GPC5: variants seen among roughly 807,000 people sequenced by gnomAD.
GPC5 encodes the protein glypican 5.
GPC5 carries 47 observed loss-of-function variants against 53.9 expected under a neutral mutation model. That is an observed-to-expected ratio of 0.87 (90% confidence interval 0.69 to 1.11). The LOEUF (loss-of-function observed/expected upper bound fraction) is 1.11. Ranked by LOEUF, GPC5 falls within the 50% of genes most tolerant of loss-of-function variation. GPC5 has a pLI of 0.00. For missense variants in GPC5, 748 were observed against 713.1 expected (o/e 1.05, Z -0.56); for synonymous variants, 286 against 263.3 (o/e 1.09, Z -0.84).
At chr13:92,832,350 G>A (rs1406470968) in intron 7 of GPC5, among the ~76,000 whole-genome samples, 1 of 152,136 alleles carries the variant, frequency 6.6e-6, no homozygotes, top group Non-Finnish European at 1.5e-5. Context: ...AAAGATGGAA[G>A]AACTAAAAAC....
intron 6 of GPC5, among the ~76,000 whole-genome samples, chr13:91,934,177 T>C (rs769386227): frequency 1.8e-4 from 27 of 152,054 alleles, no homozygotes; most frequent in Non-Finnish European, 2.9e-4. Flanking sequence ...GAAGAAAATT[T>C]TCTAGGTCTG....
chr13:91,808,006 A>G (rs1594582720), intron 5 of GPC5, among the ~76,000 whole-genome samples: 1 of 152,132 alleles, frequency 6.6e-6, no homozygotes, highest in Non-Finnish European at 1.5e-5. Context: ...GCATAGTATA[A>G]TGTGGGATGG....
intron 2 of GPC5, among the ~76,000 whole-genome samples, chr13:91,573,258 C>G (rs1258536172): frequency 6.6e-6 from 1 of 152,140 alleles, no homozygotes; most frequent in African/African-American, 2.4e-5. Flanking sequence ...TTTGTTGGCT[C>G]ACTTACAAAT....
intron 7 of GPC5, among the ~76,000 whole-genome samples, chr13:92,725,043 T>G (rs1200070934): frequency 6.6e-6 from 1 of 151,602 alleles, no homozygotes; most frequent in Non-Finnish European, 1.5e-5. Context: ...TAAGTCATAC[T>G]TTGGATAGAG....
intron 7 of GPC5, among the ~76,000 whole-genome samples, chr13:92,315,902 T>A (rs2043176157): frequency 6.6e-6 from 1 of 152,192 alleles, no homozygotes; most frequent in East Asian, 1.9e-4. Flanking sequence ...AAAGACTTGG[T>A]TGGCCTTACT....
At chr13:92,315,681 A>AT (rs1197307414) in intron 7 of GPC5, among the ~76,000 whole-genome samples, 1 of 152,248 alleles carries the variant, frequency 6.6e-6, no homozygotes, top group Non-Finnish European at 1.5e-5. Flanking sequence ...TTTTAGGACA[A>AT]TTCAATCAAG....
At chr13:91,542,850 ATTTTT>A (rs3055888) in intron 2 of GPC5, among the ~76,000 whole-genome samples, 1 of 68,206 alleles carries the variant, frequency 1.5e-5, no homozygotes, top group East Asian at 5.1e-4. Context: ...TGCCCAGCCA[ATTTTT>A]TTTTTTTTTT....
chr13:92,125,637 G>C (rs1022125035), intron 6 of GPC5, among the ~76,000 whole-genome samples: 4 of 152,132 alleles, frequency 2.6e-5, no homozygotes, highest in Admixed American at 6.5e-5. Flanking sequence ...GTTCAAGTCA[G>C]TGGGAAAATC....
intron 5 of GPC5, among the ~76,000 whole-genome samples, chr13:91,853,341 A>G (rs1358210491): frequency 6.6e-6 from 1 of 152,056 alleles, no homozygotes; most frequent in Non-Finnish European, 1.5e-5. Flanking sequence ...AAAATATCAT[A>G]GTTGATATGG....
chr13:91,979,856 T>C (rs1301559737), intron 6 of GPC5, among the ~76,000 whole-genome samples: 2 of 152,312 alleles, frequency 1.3e-5, no homozygotes, highest in Admixed American at 1.3e-4. Flanking sequence ...CCCTGTGTGA[T>C]CAGAAACATC....
chr13:91,823,289 A>G (rs1207606972), intron 5 of GPC5, among the ~76,000 whole-genome samples: 9 of 152,126 alleles, frequency 5.9e-5, no homozygotes, highest in East Asian at 5.8e-4. Context: ...GAAAAGATTT[A>G]TAATATAGAG....
At chr13:92,353,468 A>T (rs1359270323) in intron 7 of GPC5, among the ~76,000 whole-genome samples, 1 of 152,146 alleles carries the variant, frequency 6.6e-6, no homozygotes, top group Non-Finnish European at 1.5e-5. Context: ...CCTGACTATA[A>T]AGAAAGTAAG....
intron 7 of GPC5, among the ~76,000 whole-genome samples, chr13:92,793,631 C>A (rs896678425): frequency 9.9e-5 from 15 of 151,892 alleles, no homozygotes; most frequent in African/African-American, 3.6e-4. Flanking sequence ...ATTGATAGAC[C>A]ACTAGCAAGA....
At chr13:92,680,521 T>C (rs1027359530) in intron 7 of GPC5, among the ~76,000 whole-genome samples, 2 of 152,118 alleles carry the variant, frequency 1.3e-5, no homozygotes, top group Admixed American at 6.6e-5. Flanking sequence ...GAATAATGAA[T>C]AGAAAAATAA....
At chr13:92,305,528 C>A (rs901925129) in intron 7 of GPC5, among the ~76,000 whole-genome samples, 1 of 151,688 alleles carries the variant, frequency 6.6e-6, no homozygotes, top group East Asian at 1.9e-4. Context: ...GGAAATTTCA[C>A]GGACTGTAAA....
At chr13:91,815,126 G>T (rs548683752) in intron 5 of GPC5, among the ~76,000 whole-genome samples, 23 of 152,264 alleles carry the variant, frequency 1.5e-4, no homozygotes, top group African/African-American at 5.5e-4. Flanking sequence ...AGCACTTTGG[G>T]AGGACAAAGC....
rs112854418 is a variant in GPC5, at chr13:92,845,901, T to C, written c.1562-20381T>C. Among the ~76,000 whole-genome samples, 7 of 152,304 alleles carry C rather than the reference T, an allele frequency of 4.6e-5. 1 individual carries two copies. Among genetic ancestry groups the C allele is most frequent in the African/African-American group, 1.7e-4 (7 of 41,574 alleles). The stretch of plus-strand genomic sequence containing the variant: ...GTACATTTGTACATATTTAATAACA[T>C]TGTAACCAAAATCAGTTTTCTAAAC... On this transcript the variant is annotated intron_variant, in intron 7 of 7. Coordinates refer to ENST00000377067, the MANE Select transcript of GPC5 (RefSeq NM_004466.6).
chr13:92,605,767 A>T (rs1441204900), intron 7 of GPC5, among the ~76,000 whole-genome samples: 1 of 151,896 alleles, frequency 6.6e-6, no homozygotes, highest in Non-Finnish European at 1.5e-5. Context: ...CGTATTCACT[A>T]GTTTTACAAA....
chr13:91,958,220 A>C (rs944479224), intron 6 of GPC5, among the ~76,000 whole-genome samples: 4 of 151,906 alleles, frequency 2.6e-5, no homozygotes, highest in Admixed American at 2.0e-4. Flanking sequence ...CCAAAAAACT[A>C]GCAGAGGTAG....
Sources: gnomAD v4.1 joint callset for allele counts (sites outside exome capture counted in the v4.1 genomes callset) on GRCh38, gnomAD v4.1.1 for gene constraint, MANE v1.5 for transcripts, NCBI Gene and HGNC (gene_info 2026-07-23, HGNC 2026-07-21) for gene names.